The following COL18A1 variants were observed in gnomAD, a reference collection of about 807,000 sequenced individuals.
The protein encoded by COL18A1 is collagen alpha-1(XVIII) chain.
COL18A1 carries 133 observed loss-of-function variants against 168.0 expected under a neutral mutation model. The observed-to-expected ratio is 0.79, with a 90% CI of 0.69 to 0.91. COL18A1 has a LOEUF of 0.91. Ranked by LOEUF, COL18A1 falls within the 40% of genes least tolerant of loss-of-function variation. The pLI is 0.00. For missense variants in COL18A1, 2,126 were observed against 1,925.4 expected, an observed-to-expected ratio of 1.10 and a Z score of -1.95; for synonymous variants, 949 against 809.0, an observed-to-expected ratio of 1.17 and a Z score of -2.94.
chr21:45,467,660 G>T (rs564420902), intron 2 of COL18A1, among the ~76,000 whole-genome samples: 227 of 152,326 alleles, frequency 1.5e-3, no homozygotes, highest in African/African-American at 5.2e-3. Context: ...GAACACTGGG[G>T]TGTGGGGTCA....
Position 45,505,393 on chromosome 21 carries a change from C to T in COL18A1, c.3049C>T (p.Pro1017Ser). ...TCCCGGCCCTCCGGGCCCCCCTGGGCCCCCTGGGCCCCCTGGAACCATGGG... is the reference window on the plus strand; with the variant it reads ...TCCCGGCCCTCCGGGCCCCCCTGGGTCCCCTGGGCCCCCTGGAACCATGGG... ...SVPGPPGPPG[P>S]PGPPGTMGAS... Residue 1017 changes from proline to serine, a missense_variant, in exon 36 of 42, where the codon CCC becomes TCC. Coordinates refer to ENST00000651438, the MANE Select transcript of COL18A1 (RefSeq NM_001379500.1). 1 of 1,581,292 alleles carries T rather than the reference C, an allele frequency of 6.3e-7. No homozygotes were observed.
At position 45,480,328 on chromosome 21, in the gene COL18A1, C is replaced by T. The variant is rs372001266; in HGVS notation, c.1399-139C>T. 3.7e-5 allele frequency: 56 copies of T among 1,506,126 alleles called. No individual in the cohort carries two copies. In the African/African-American group the frequency reaches 5.8e-4, roughly 16 times the overall value. The allele number at this position is 1,506,126 out of a possible 1,614,324, so 93.3% of individuals were successfully genotyped here. ...CCCATCCACCTGCCTTCAGGCTTCT[C>T]TGGGGGCAGCAGAGGGGCCGTGGTT... On this transcript the variant is annotated intron_variant, in intron 11 of 41. Transcript: ENST00000651438.
At chr21:45,434,068 A>T (rs965701169) in intron 2 of COL18A1, among the ~76,000 whole-genome samples, 1 of 151,860 alleles carries the variant, frequency 6.6e-6, no homozygotes, top group Non-Finnish European at 1.5e-5. Flanking sequence ...CAGGTGTGTG[A>T]GCAGGTGCAT....
chr21:45,406,049 C>G (rs577992624), intron 2 of COL18A1, among the ~76,000 whole-genome samples: 5 of 152,160 alleles, frequency 3.3e-5, no homozygotes, highest in African/African-American at 1.2e-4. Context: ...GAGAACAATG[C>G]CCAGAAGCCG....
intron 22 of COL18A1, among the ~76,000 whole-genome samples, 163 bp downstream of exon 22, chr21:45,491,477 G>A (rs1029166380): frequency 7.5e-5 from 11 of 145,910 alleles, no homozygotes; most frequent in Non-Finnish European, 1.5e-4. Flanking sequence ...AGACGCCCTC[G>A]GTCAGAGACG....
chr21:45,500,362 AGT>A (rs199601182), intron 32 of COL18A1, among the ~76,000 whole-genome samples: 894 of 25,620 alleles, frequency 0.035, 47 homozygotes, highest in African/African-American at 0.11. Flanking sequence ...TTGGGTGTGT[AGT>A]GTGTGAGGGG....
At chr21:45,490,437 CCCGG>C (rs2036277277) in intron 20 of COL18A1, 91 bp downstream of exon 20, 72 of 1,147,598 alleles carry the variant, frequency 6.3e-5, no homozygotes, top group Non-Finnish European at 7.7e-5. Context: ...GATGTGCCCT[CCCGG>C]GTCCCTGGGT....
rs1568917468 is a variant in COL18A1, at chr21:45,487,322, C to T, written c.1834-125C>T. 21 of 1,133,738 alleles carry T rather than the reference C, an allele frequency of 1.9e-5. No homozygotes were observed. In the East Asian group the frequency reaches 2.8e-4, roughly 15 times the overall value. 70.2% of individuals were successfully genotyped at this position (1,133,738 alleles called of 1,614,324 possible). The stretch of plus-strand genomic sequence containing the variant: ...GTAGACAGTCCCCATCTGAGAACGG[C>T]GGCTCCCCAGGCCACCGTGGCCCCA... On this transcript the variant is annotated intron_variant, in intron 16 of 41. Transcript: ENST00000651438.
At chr21:45,413,319 C>T (rs1420377774) in intron 2 of COL18A1, among the ~76,000 whole-genome samples, 2 of 152,374 alleles carry the variant, frequency 1.3e-5, no homozygotes, top group East Asian at 1.9e-4. Flanking sequence ...CTCCTCCAGC[C>T]GCGCTACGTG....
At position 45,484,087 on chromosome 21, in the gene COL18A1, ACACACACCTCTCCAGCATATGTGCACACG is replaced by A. The variant is rs1357657025; in HGVS notation, c.1701+1274_1701+1302del. On this transcript the variant is annotated intron_variant, in intron 15 of 41. Coordinates refer to ENST00000651438, the MANE Select transcript of COL18A1 (RefSeq NM_001379500.1). ...ACACACTTCTCCAGCATATGTACAC[ACACACACCTCTCCAGCATATGTGCACACG>A]CACACACACCTCTCCAGCGTATGTA... is the stretch of plus-strand genomic sequence containing the variant. Among the ~76,000 whole-genome samples the A allele has an allele frequency of 5.9e-4, 86 of 146,006 alleles. 10 individuals are homozygous for A. The highest frequency in any genetic ancestry group is 2.1e-3 in the African/African-American group (80 of 37,798).
chr21:45,512,489 C>T lies in COL18A1; in HGVS notation c.*91C>T. 1 of 1,207,134 alleles carries T rather than the reference C, an allele frequency of 8.3e-7. No homozygotes were observed. Among genetic ancestry groups the T allele is most frequent in the Non-Finnish European group, 1.2e-6 (1 of 836,576 alleles). The allele number at this position is 1,207,134 out of a possible 1,614,324, so 74.8% of individuals were successfully genotyped here. On this transcript the variant is annotated 3_prime_UTR_variant, in exon 42 of 42. Transcript: ENST00000651438. ...GGAGCGGCCGGCCAGCCCCTGGCCC[C>T]AGGACCTGGCTGCCATACTTTCCTG...
intron 26 of COL18A1, chr21:45,493,881 C>T (rs893446101): frequency 1.1e-4 from 50 of 442,978 alleles, no homozygotes; most frequent in South Asian, 3.1e-4. Flanking sequence ...CTGTGGGGTG[C>T]AGGAGCCCAG....
intron 2 of COL18A1, among the ~76,000 whole-genome samples, chr21:45,462,193 TTCTC>T (rs151216814): frequency 6.6e-6 from 1 of 152,178 alleles, no homozygotes; most frequent in East Asian, 1.9e-4. Context: ...GCTTTCCAGA[TTCTC>T]TCTCTGTTTT....
chr21:45,469,915 C>T (rs2035351450), intron 3 of COL18A1, among the ~76,000 whole-genome samples: 1 of 152,184 alleles, frequency 6.6e-6, no homozygotes, highest in Non-Finnish European at 1.5e-5. Context: ...TCTTTGTTTT[C>T]CTCTTGATCA....
At position 45,486,713 on chromosome 21, in the gene COL18A1, C is replaced by T. The variant is rs2274808; in HGVS notation, c.1702-148C>T. 0.22 allele frequency: 172,166 copies of T among 799,392 alleles called. 19,379 individuals carry two copies. The highest frequency in any genetic ancestry group is 0.26 in the Middle Eastern group (770 of 2,906). The allele number at this position is 799,392 out of a possible 1,614,324, so 49.5% of individuals were successfully genotyped here. On this transcript the variant is annotated intron_variant, in intron 15 of 41. Transcript: ENST00000651438. ...TGTCGTAAAGTTAGAAGAAAGGCTG[C>T]TGTGGGGCCTGCGTTGCTTGGCAGA...
At chr21:45,472,787 G>T (rs768581339) in intron 3 of COL18A1, among the ~76,000 whole-genome samples, 2 of 146,182 alleles carry the variant, frequency 1.4e-5, no homozygotes, top group Non-Finnish European at 3.0e-5. Context: ...AAACCCAGGG[G>T]GCCCACAGGG....
chr21:45,493,692 G>C, intron 26 of COL18A1, 117 bp downstream of exon 26: 2 of 791,884 alleles, frequency 2.5e-6, no homozygotes, highest in Non-Finnish European at 4.1e-6. Context: ...TCCCAAGCAG[G>C]GCTCTACCAT....
chr21:45,455,003 G>A (rs919517154), intron 2 of COL18A1, among the ~76,000 whole-genome samples: 3 of 152,370 alleles, frequency 2.0e-5, no homozygotes, highest in Middle Eastern at 3.4e-3. Context: ...GATGTTTAAC[G>A]ACTTGGGCAG....
In COL18A1 at chr21:45,495,671, C is replaced by G. The variant is rs1384359698; in HGVS notation, c.2508+239C>G. 4 of 520,086 alleles carry G rather than the reference C, an allele frequency of 7.7e-6. No homozygotes were observed. In the East Asian group the frequency reaches 1.4e-4, roughly 18 times the overall value. The allele number at this position is 520,086 out of a possible 1,614,324, so 32.2% of individuals were successfully genotyped here. A position where few individuals can be genotyped will look rare whatever the true frequency, so the allele number is the denominator to read the frequency against. Reference sequence around the variant, plus strand: ...GTACTCATACATGTGTGCACATATACACATGCATCTATGCACATACATGCC... The same window carrying G: ...GTACTCATACATGTGTGCACATATAGACATGCATCTATGCACATACATGCC... On this transcript the variant is annotated intron_variant, in intron 29 of 41. Coordinates refer to ENST00000651438, the MANE Select transcript of COL18A1 (RefSeq NM_001379500.1).
Sources: gnomAD v4.1 joint callset for allele counts (sites outside exome capture counted in the v4.1 genomes callset) on GRCh38, gnomAD v4.1.1 for gene constraint, MANE v1.5 for transcripts, NCBI Gene and HGNC (gene_info 2026-07-23, HGNC 2026-07-21) for gene names.